The following PLS3 variants were observed in gnomAD, a reference collection of about 807,000 sequenced individuals.
The protein encoded by PLS3 is plastin-3.
Under a neutral mutation model 46.5 loss-of-function variants are expected in PLS3, and 11 were observed. That is an observed-to-expected ratio of 0.24 (90% CI 0.15 to 0.39). The LOEUF is 0.39. PLS3 is among the 10% of genes least tolerant of loss of function. PLS3 has a pLI of 1.00. For missense variants in PLS3, 308 were observed against 461.8 expected (o/e 0.67, Z 3.05); for synonymous variants, 167 against 162.2 (o/e 1.03, Z -0.22).
chrX:115,616,323 C>CA (rs1166162751), intron 2 of PLS3, among the ~76,000 whole-genome samples: 9 of 111,902 alleles, frequency 8.0e-5, no homozygotes, highest in Non-Finnish European at 1.7e-4. Flanking sequence ...TTTTGAATAA[C>CA]AAAAAATTAT....
chrX:115,572,043 T>C (rs1367112352), intron 1 of PLS3, among the ~76,000 whole-genome samples: 1 of 112,363 alleles, frequency 8.9e-6, no homozygotes, highest in African/African-American at 3.2e-5. Flanking sequence ...CCTGTGGTAA[T>C]TAAAAAGCAA....
At chrX:115,644,599 A>AAAATAAATAAAT (rs57763072) in intron 10 of PLS3, among the ~76,000 whole-genome samples, 171 of 99,352 alleles carry the variant, frequency 1.7e-3, no homozygotes, top group African/African-American at 4.5e-3. Flanking sequence ...CTCCATCTCA[A>AAAATAAATAAAT]AAATAAATAA....
chrX:115,575,517 C>T (rs2074242556), intron 1 of PLS3, among the ~76,000 whole-genome samples: 1 of 112,103 alleles, frequency 8.9e-6, no homozygotes, highest in South Asian at 3.7e-4. Flanking sequence ...CATCTCGGCT[C>T]ACTGCAAGCT....
intron 2 of PLS3, among the ~76,000 whole-genome samples, chrX:115,614,776 T>C (rs1307188483): frequency 8.9e-6 from 1 of 112,256 alleles, no homozygotes; most frequent in Non-Finnish European, 1.9e-5. Context: ...GTTAGATAAA[T>C]AGATTCCTTT....
chrX:115,636,718 C>G (rs1214060001), intron 7 of PLS3, 118 bp from the exon 8 acceptor site: 1 of 528,990 alleles, frequency 1.9e-6, no homozygotes, highest in Admixed American at 3.3e-5. Context: ...AAACTAGGAA[C>G]TATGTCATAG....
intron 1 of PLS3, among the ~76,000 whole-genome samples, chrX:115,606,714 G>A (rs1162328219): frequency 9.0e-6 from 1 of 111,286 alleles, no homozygotes; most frequent in Non-Finnish European, 1.9e-5. Context: ...GCTTAAAAGG[G>A]GTGAAGAAAA....
chrX:115,608,598 ATAG>A (rs782688192), intron 1 of PLS3, among the ~76,000 whole-genome samples: 5 of 112,120 alleles, frequency 4.5e-5, no homozygotes, highest in African/African-American at 6.5e-5. Flanking sequence ...CGAATGTATG[ATAG>A]TAGTCGCATA....
chrX:115,615,292 C>G (rs782785458), intron 2 of PLS3, among the ~76,000 whole-genome samples: 2 of 110,808 alleles, frequency 1.8e-5, no homozygotes, highest in African/African-American at 3.3e-5. Context: ...GAAAACATTT[C>G]CTTTTAAGGA....
At chrX:115,633,208 T>C (rs931380478) in intron 5 of PLS3, among the ~76,000 whole-genome samples, 5 of 110,115 alleles carry the variant, frequency 4.5e-5, no homozygotes, top group Admixed American at 2.9e-4. Context: ...TCTTGCTGTG[T>C]TGTCCAGGAT....
chrX:115,643,115 G>A (rs782562056), intron 9 of PLS3, among the ~76,000 whole-genome samples, 198 bp from the exon 10 acceptor site: 4 of 111,155 alleles, frequency 3.6e-5, no homozygotes, highest in Non-Finnish European at 3.8e-5. Flanking sequence ...TGTGTGATCT[G>A]GCGCCATCTA....
chrX:115,591,600 G>T (rs782668610), intron 1 of PLS3, among the ~76,000 whole-genome samples: 6 of 111,720 alleles, frequency 5.4e-5, no homozygotes, highest in Non-Finnish European at 1.1e-4. Context: ...CTGAAGAAAA[G>T]GTAAGGCTGG....
At chrX:115,595,877 T>C (rs2074384428) in intron 1 of PLS3, among the ~76,000 whole-genome samples, 2 of 108,742 alleles carry the variant, frequency 1.8e-5, no homozygotes, top group Admixed American at 2.0e-4. Flanking sequence ...TTAGTAGAGA[T>C]GGGGTTTCAC....
intron 1 of PLS3, among the ~76,000 whole-genome samples, chrX:115,588,891 G>A (rs2074327193): frequency 8.9e-6 from 1 of 112,058 alleles, no homozygotes; most frequent in Non-Finnish European, 1.9e-5. Flanking sequence ...GTAGTTCGAT[G>A]TATTTTGACC....
intron 1 of PLS3, among the ~76,000 whole-genome samples, chrX:115,585,989 C>A (rs1171689220): frequency 9.3e-6 from 1 of 107,490 alleles, no homozygotes; most frequent in Non-Finnish European, 1.9e-5. Context: ...GAAGAAAAAT[C>A]TAATTTTTTT....
chrX:115,564,544 G>T (rs1239132184), intron 1 of PLS3, among the ~76,000 whole-genome samples: 2 of 112,419 alleles, frequency 1.8e-5, no homozygotes, highest in African/African-American at 6.5e-5. Flanking sequence ...TGGCCATGGT[G>T]CTTGAGCACC....
At chrX:115,640,736 T>C (rs782599491) in intron 9 of PLS3, among the ~76,000 whole-genome samples, 15 of 111,912 alleles carry the variant, frequency 1.3e-4, no homozygotes, top group South Asian at 1.1e-3. Context: ...GCATAAAATA[T>C]TCAAAACAAG....
Position 115,592,775 on chromosome X carries a change from C to T in PLS3, c.-8-17468C>T, listed in dbSNP as rs192775985. Among the ~76,000 whole-genome samples, 329 of 111,043 alleles carry T rather than the reference C, an allele frequency of 3.0e-3. 6 individuals are homozygous for T. The highest frequency in any genetic ancestry group is 0.011 in the African/African-American group (322 of 30,601). The stretch of plus-strand genomic sequence containing the variant: ...CAACCATGTATAAAATAGTGAACTG[C>T]GATATGATGGAGTTGCTCTTATCTT... On this transcript the variant is annotated intron_variant, in intron 1 of 15. Transcript: ENST00000355899.
intron 3 of PLS3, among the ~76,000 whole-genome samples, chrX:115,627,302 T>A (rs1399198231): frequency 2.7e-5 from 3 of 112,473 alleles, no homozygotes; most frequent in East Asian, 5.5e-4. Context: ...TAGAAGTAAA[T>A]GATTCTTGAA....
chrX:115,637,792 G>A (rs2074853066), intron 8 of PLS3, among the ~76,000 whole-genome samples: 1 of 111,927 alleles, frequency 8.9e-6, no homozygotes, highest in Non-Finnish European at 1.9e-5. Context: ...ACAATACTAT[G>A]TGATGATATG....
Sources: gnomAD v4.1 joint callset for allele counts (sites outside exome capture counted in the v4.1 genomes callset) on GRCh38, gnomAD v4.1.1 for gene constraint, MANE v1.5 for transcripts, NCBI Gene and HGNC (gene_info 2026-07-23, HGNC 2026-07-21) for gene names.